The following TSG101 variants were observed in gnomAD, a reference collection of about 807,000 sequenced individuals.
TSG101 encodes the protein tumor susceptibility gene 101 protein.
TSG101 carries 19 observed loss-of-function variants against 48.5 expected under a neutral mutation model. The observed-to-expected ratio is 0.39, with a 90% CI of 0.27 to 0.58. TSG101 has a LOEUF of 0.58. Among genes scored for constraint, TSG101 ranks in the 20% least tolerant of loss-of-function variants. TSG101 has a pLI of 0.55. For missense variants in TSG101, 365 were observed against 484.4 expected (o/e 0.75, Z 2.31); for synonymous variants, 174 against 169.4 (o/e 1.03, Z -0.21).
rs1849543955 is a variant in TSG101, at chr11:18,481,703, G to A, written c.1010C>T (p.Ala337Val). The A allele has an allele frequency of 1.2e-6, 2 of 1,614,046 alleles. No individual in the cohort carries two copies. Among genetic ancestry groups the A allele is most frequent in the Non-Finnish European group, 8.5e-7 (1 of 1,180,042 alleles). The part of the protein sequence containing the change: ...QILNLYAEEN[A>V]IEDTIFYLGE... ...CAAGTAAAAGATAGTGTCTTCAATA[G>A]CGTTTTCTTCTGCATACAGATTCAG... Residue 337 changes from alanine to valine, a missense_variant, in exon 9 of 10, where the codon GCT (alanine) becomes GTT (valine). Physicochemically the swap from Ala to Val is moderately conservative, Grantham distance 64. Coordinates refer to ENST00000251968, the MANE Select transcript of TSG101 (RefSeq NM_006292.4).
chr11:18,497,748 T>A (rs1022629749), intron 7 of TSG101, among the ~76,000 whole-genome samples: 1 of 152,234 alleles, frequency 6.6e-6, no homozygotes. Context: ...GCTTTGCTTA[T>A]GGATTAAAGA....
At chr11:18,501,113 G>A (rs1033648841) in intron 7 of TSG101, among the ~76,000 whole-genome samples, 6 of 152,176 alleles carry the variant, frequency 3.9e-5, no homozygotes, top group Non-Finnish European at 7.4e-5. Context: ...TGGCTCACAA[G>A]CTTTTTAATT....
intron 7 of TSG101, among the ~76,000 whole-genome samples, chr11:18,485,819 G>A (rs1179125802): frequency 2.0e-5 from 3 of 152,190 alleles, no homozygotes; most frequent in Non-Finnish European, 4.4e-5. Context: ...ACAGGAGGCA[G>A]CCAAATGCTG....
rs1212386402 is a variant in TSG101, at chr11:18,480,638, G to A, written c.1084-3C>T. On this transcript the variant is annotated splice_region_variant and splice_polypyrimidine_tract_variant and intron_variant, in intron 9 of 9. Transcript: ENST00000251968. ...TTACGGGACAGAAGACGTACATGCT[G>A]GGAGGGGAGAAAAGTTTGAATAGTT... 3 of 1,613,268 alleles carry A rather than the reference G, an allele frequency of 1.9e-6. No individual in the cohort carries two copies. The South Asian group carries it at 3.3e-5, about 18-fold the overall frequency.
intron 7 of TSG101, chr11:18,490,862 G>A (rs757862023): frequency 5.7e-6 from 3 of 528,910 alleles, no homozygotes; most frequent in African/African-American, 1.9e-5. Context: ...TTCATGCCTC[G>A]TTCTGTGACT....
At chr11:18,522,258 A>T (rs1367683464) in intron 1 of TSG101, among the ~76,000 whole-genome samples, 1 of 152,190 alleles carries the variant, frequency 6.6e-6, no homozygotes, top group East Asian at 1.9e-4. Flanking sequence ...ACAATTACCA[A>T]TTTGACATTT....
chr11:18,500,668 T>A (rs1165881894), intron 7 of TSG101, among the ~76,000 whole-genome samples: 1 of 152,196 alleles, frequency 6.6e-6, no homozygotes, highest in East Asian at 1.9e-4. Context: ...GCCCACTTTT[T>A]AATGGTTTGT....
chr11:18,506,993 T>A (rs1355867266), intron 5 of TSG101, 70 bp from the exon 6 acceptor site: 48 of 1,282,304 alleles, frequency 3.7e-5, no homozygotes, highest in Admixed American at 1.9e-5. Flanking sequence ...CTGAATAAGA[T>A]ATACATCACA....
In TSG101 at chr11:18,496,450, A is replaced by ATAAC. The variant is rs1565085902; in HGVS notation, c.640+6035_640+6036insGTTA. On this transcript the variant is annotated intron_variant, in intron 7 of 9. Transcript: ENST00000251968. ...GAGCGAAACTCTGTCTCAAAAATAA[A>ATAAC]ATAAAATAAAATAAAATAAAATAAA... is the stretch of plus-strand genomic sequence containing the variant. Among the ~76,000 whole-genome samples the ATAAC allele has an allele frequency of 2.5e-3, 65 of 25,946 alleles. 2 individuals carry two copies. The highest frequency in any genetic ancestry group is 4.9e-3 in the African/African-American group (54 of 11,086). 17.0% of individuals were successfully genotyped at this position (25,946 alleles called of 152,430 possible).
rs754026084 is a variant in TSG101, at chr11:18,519,599, T to G, written c.47A>C (p.Lys16Thr). 6.2e-7 allele frequency: 1 copy of G among 1,607,886 alleles called. No individual in the cohort carries two copies. The highest frequency in any genetic ancestry group is 1.7e-5 in the Admixed American group (1 of 58,340). ...SQLKKMVSKYKYRDLTVRETV... is the reference protein window; with the variant it reads ...SQLKKMVSKYTYRDLTVRETV... The stretch of plus-strand genomic sequence containing the variant: ...TTCACGTACAGTTAGGTCTCTGTAT[T>G]TGTACTGAAAAGCAAAATCGCATAA... Residue 16 changes from lysine to threonine, a missense_variant, in exon 2 of 10, where the codon AAA becomes ACA. Lys to Thr is a moderately conservative substitution (Grantham distance 78, BLOSUM62 -1). Transcript: ENST00000251968.
At chr11:18,481,926 CACCT>C (rs1186944908) in intron 8 of TSG101, 57 bp from the exon 9 acceptor site, 13 of 1,580,422 alleles carry the variant, frequency 8.2e-6, no homozygotes, top group African/African-American at 4.1e-5. Context: ...ACTTGTCAGA[CACCT>C]ACAACACTTC....
chr11:18,507,271 T>C (rs1849990158), intron 5 of TSG101, among the ~76,000 whole-genome samples: 1 of 152,192 alleles, frequency 6.6e-6, no homozygotes, highest in African/African-American at 2.4e-5. Context: ...TCTTAGAAAG[T>C]AACTTCTTTA....
rs79855193 is a variant in TSG101 at position 18,490,878 on chromosome 11, C to T, written c.641-6806G>A. ...TCATGCCTCGTTCTGTGACTGCCTT[C>T]GTGACTACAGCCATATCATCATAGC... On this transcript the variant is annotated intron_variant, in intron 7 of 9. Transcript: ENST00000251968. 1.5e-3 allele frequency: 761 copies of T among 514,110 alleles called. 7 individuals are homozygous for T. The highest frequency in any genetic ancestry group is 0.014 in the African/African-American group (716 of 51,222). 31.8% of individuals were successfully genotyped at this position (514,110 alleles called of 1,614,324 possible). A position where few individuals can be genotyped will look rare whatever the true frequency, so the allele number is the denominator to read the frequency against.
At chr11:18,501,000 GT>G (rs908608367) in intron 7 of TSG101, among the ~76,000 whole-genome samples, 11 of 152,180 alleles carry the variant, frequency 7.2e-5, no homozygotes, top group Admixed American at 5.2e-4. Context: ...GAGAGACGGG[GT>G]TTTACCATGT....
At chr11:18,490,806 T>C (rs897490716) in intron 7 of TSG101, 2 of 540,604 alleles carry the variant, frequency 3.7e-6, no homozygotes, top group South Asian at 1.5e-5. Flanking sequence ...GCACCAACCA[T>C]GTTCTTGTAG....
intron 5 of TSG101, chr11:18,508,514 G>C (rs922769014): frequency 6.6e-6 from 1 of 151,990 alleles, no homozygotes; most frequent in Middle Eastern, 3.4e-3. Flanking sequence ...TCAAACTTAA[G>C]CAAGATACTC....
At chr11:18,498,294 G>A (rs1480639170) in intron 7 of TSG101, among the ~76,000 whole-genome samples, 1 of 152,154 alleles carries the variant, frequency 6.6e-6, no homozygotes, top group African/African-American at 2.4e-5. Flanking sequence ...TCACTTGAAG[G>A]TTTTGAGCAG....
In TSG101 at chr11:18,526,811, C is replaced by T. The variant is rs1422359267; in HGVS notation, c.6G>A (p.Ala2=). ...TTTTCTTGAGCTGGCTCTCCGACAC[C>T]GCCATGACGGCCGCCTGGCGACTCC... M[A]VSESQLKKMV... Residue 2 remains alanine (A), a synonymous_variant, in exon 1 of 10, where the codon GCG becomes GCA. Coordinates refer to ENST00000251968, the MANE Select transcript of TSG101 (RefSeq NM_006292.4). 2 of 1,602,936 alleles carry T rather than the reference C, an allele frequency of 1.2e-6. No individual in the cohort carries two copies. The highest frequency in any genetic ancestry group is 1.1e-5 in the South Asian group (1 of 90,972).
intron 9 of TSG101, among the ~76,000 whole-genome samples, chr11:18,481,103 C>T (rs1849531154): frequency 1.3e-5 from 2 of 152,304 alleles, no homozygotes; most frequent in South Asian, 4.1e-4. Context: ...CCATGTTCTC[C>T]ATGACCCAAG....
Sources: gnomAD v4.1 joint callset for allele counts (sites outside exome capture counted in the v4.1 genomes callset) on GRCh38, gnomAD v4.1.1 for gene constraint, MANE v1.5 for transcripts, NCBI Gene and HGNC (gene_info 2026-07-23, HGNC 2026-07-21) for gene names.